The following RIMS2 variants were observed in gnomAD, a reference collection of about 807,000 sequenced individuals.
The protein encoded by RIMS2 is regulating synaptic membrane exocytosis protein 2.
In RIMS2, 59 loss-of-function variants were observed where a neutral mutation model predicts 174.4. The ratio of observed to expected loss-of-function variants is 0.34; its 90% CI spans 0.27 to 0.42. The LOEUF (loss-of-function observed/expected upper bound fraction) is 0.42. Ranked by LOEUF, RIMS2 falls within the 10% of genes least tolerant of loss-of-function variation. RIMS2 has a pLI of 1.00. For synonymous variants in RIMS2, 606 were observed against 572.5 expected (o/e 1.06, Z -0.84); for missense variants, 1,620 against 1,666.3 (o/e 0.97, Z 0.48).
At chr8:103,533,806 A>T (rs1446789622) in intron 1 of RIMS2, among the ~76,000 whole-genome samples, 1 of 152,098 alleles carries the variant, frequency 6.6e-6, no homozygotes, top group East Asian at 1.9e-4. Flanking sequence ...TCATTGTGTT[A>T]TTTATGAGTA....
At chr8:103,695,260 A>G (rs1169594875) in intron 1 of RIMS2, among the ~76,000 whole-genome samples, 1 of 152,134 alleles carries the variant, frequency 6.6e-6, no homozygotes, top group Non-Finnish European at 1.5e-5. Flanking sequence ...GTTTTCACAT[A>G]TGAGTAGTTG....
chr8:104,160,350 T>C (rs1349541281), intron 19 of RIMS2, among the ~76,000 whole-genome samples: 2 of 152,202 alleles, frequency 1.3e-5, no homozygotes, highest in African/African-American at 4.8e-5. Flanking sequence ...AACAAATGAA[T>C]GAATAACAAT....
chr8:103,549,564 A>G (rs1318515678), intron 1 of RIMS2, among the ~76,000 whole-genome samples: 1 of 152,228 alleles, frequency 6.6e-6, no homozygotes, highest in African/African-American at 2.4e-5. Flanking sequence ...TGCATCAACT[A>G]ATGAGCAAAA....
chr8:103,614,215 C>G (rs1282918080), intron 1 of RIMS2, among the ~76,000 whole-genome samples: 1 of 152,276 alleles, frequency 6.6e-6, no homozygotes, highest in Non-Finnish European at 1.5e-5. Flanking sequence ...GTTCTGACCA[C>G]TGGGTTGGGC....
At chr8:103,967,000 C>A (rs1375700182) in intron 15 of RIMS2, among the ~76,000 whole-genome samples, 2 of 151,398 alleles carry the variant, frequency 1.3e-5, no homozygotes, top group African/African-American at 4.9e-5. Flanking sequence ...TGTTTTATGG[C>A]CCAGAATATG....
At chr8:104,247,927 A>C (rs1368144088) in intron 20 of RIMS2, among the ~76,000 whole-genome samples, 2 of 152,218 alleles carry the variant, frequency 1.3e-5, no homozygotes, top group African/African-American at 4.8e-5. Flanking sequence ...GAAAAAAGAT[A>C]AAAGGTCAAA....
chr8:104,075,609 C>T (rs376804229), intron 19 of RIMS2, among the ~76,000 whole-genome samples: 9 of 152,074 alleles, frequency 5.9e-5, no homozygotes, highest in Admixed American at 3.9e-4. Context: ...CTTCTATAAA[C>T]GCTTATTTTA....
chr8:104,013,728 G>C, intron 18 of RIMS2, 107 bp downstream of exon 20: 2 of 839,398 alleles, frequency 2.4e-6, no homozygotes, highest in East Asian at 2.5e-5. Flanking sequence ...CTGATCACTA[G>C]TAACAATCGA....
At chr8:103,585,119 C>T (rs756100474) in intron 1 of RIMS2, among the ~76,000 whole-genome samples, 36 of 152,162 alleles carry the variant, frequency 2.4e-4, no homozygotes, top group Non-Finnish European at 4.3e-4. Flanking sequence ...GACATTTATG[C>T]GGCCAACAAA....
chr8:103,997,069 G>T (rs1370884961), intron 17 of RIMS2, among the ~76,000 whole-genome samples: 3 of 151,746 alleles, frequency 2.0e-5, no homozygotes, highest in Admixed American at 1.3e-4. Flanking sequence ...AGACAGCTTC[G>T]AGAGTGTGGT....
At chr8:104,048,160 C>G (rs1306673633) in intron 19 of RIMS2, among the ~76,000 whole-genome samples, 1 of 152,122 alleles carries the variant, frequency 6.6e-6, no homozygotes, top group African/African-American at 2.4e-5. Flanking sequence ...AAAAGGCACA[C>G]AAGTTGGGAA....
intron 6 of RIMS2, among the ~76,000 whole-genome samples, chr8:103,912,960 T>G (rs1166945845): frequency 3.2e-5 from 4 of 124,492 alleles, no homozygotes; most frequent in Non-Finnish European, 7.9e-5. Flanking sequence ...TCTAGCAAAC[T>G]TTTTTTGTTG....
intron 1 of RIMS2, among the ~76,000 whole-genome samples, chr8:103,526,176 G>T (rs1035097429): frequency 6.6e-6 from 1 of 152,160 alleles, no homozygotes; most frequent in South Asian, 2.1e-4. Context: ...CCAGGCTTTG[G>T]GTTGGGACCT....
intron 1 of RIMS2, among the ~76,000 whole-genome samples, chr8:103,610,345 T>A (rs908760017): frequency 6.6e-6 from 1 of 152,324 alleles, no homozygotes; most frequent in African/African-American, 2.4e-5. Flanking sequence ...CTCATTGCTC[T>A]GGTCAGGACT....
At chr8:103,886,962 TTGAG>T (rs1438794131) in intron 4 of RIMS2, among the ~76,000 whole-genome samples, 2 of 151,838 alleles carry the variant, frequency 1.3e-5, no homozygotes, top group Non-Finnish European at 2.9e-5. Context: ...CCTACATCTC[TTGAG>T]TATTTCAAAA....
chr8:104,056,559 T>G (rs1419874111), intron 19 of RIMS2, among the ~76,000 whole-genome samples: 1 of 152,162 alleles, frequency 6.6e-6, no homozygotes, highest in Non-Finnish European at 1.5e-5. Flanking sequence ...TCTTATCTCT[T>G]TGTATCTTTT....
At chr8:103,817,852 A>G (rs553571899) in intron 3 of RIMS2, among the ~76,000 whole-genome samples, 1 of 152,140 alleles carries the variant, frequency 6.6e-6, no homozygotes, top group Non-Finnish European at 1.5e-5. Context: ...TGGTGGCATT[A>G]GCACATACAG....
At chr8:104,159,976 T>A (rs1258288679) in intron 19 of RIMS2, among the ~76,000 whole-genome samples, 1 of 151,920 alleles carries the variant, frequency 6.6e-6, no homozygotes, top group East Asian at 1.9e-4. Context: ...CCGTCTCTAC[T>A]AAAAATACAA....
intron 19 of RIMS2, among the ~76,000 whole-genome samples, chr8:104,184,380 C>G (rs1202504383): frequency 6.6e-6 from 1 of 151,468 alleles, no homozygotes; most frequent in African/African-American, 2.4e-5. Flanking sequence ...TACTCAAATT[C>G]ATGTGTAAAC....
Sources: gnomAD v4.1 joint callset for allele counts (sites outside exome capture counted in the v4.1 genomes callset) on GRCh38, gnomAD v4.1.1 for gene constraint, MANE v1.5 for transcripts, NCBI Gene and HGNC (gene_info 2026-07-23, HGNC 2026-07-21) for gene names.